POLA1: variants seen among roughly 807,000 people sequenced by gnomAD.
The protein encoded by POLA1 is DNA polymerase alpha catalytic subunit.
POLA1 carries 15 observed loss-of-function variants against 124.0 expected under a neutral mutation model. The observed-to-expected ratio is 0.12, with a 90% CI of 0.08 to 0.19. The LOEUF (loss-of-function observed/expected upper bound fraction) is 0.19, where lower values mean the gene tolerates loss of function less well. POLA1 is among the 10% of genes least tolerant of loss of function. The probability of loss-of-function intolerance (pLI) is 1.00; values close to 1 mark genes in which losing one functional copy is unlikely to be tolerated. For missense variants in POLA1, 886 were observed against 1,103.4 expected, an observed-to-expected ratio of 0.80 and a Z score of 2.79; for synonymous variants, 408 against 389.4, an observed-to-expected ratio of 1.05 and a Z score of -0.56.
chrX:24,834,318 A>G (rs1163502485), intron 32 of POLA1, among the ~76,000 whole-genome samples: 1 of 111,804 alleles, frequency 8.9e-6, no homozygotes, highest in Non-Finnish European at 1.9e-5. Context: ...AATCTTGGGT[A>G]TTCATTTAAA....
At chrX:24,705,289 T>C (rs764168281) in intron 4 of POLA1, among the ~76,000 whole-genome samples, 14 of 111,980 alleles carry the variant, frequency 1.3e-4, no homozygotes, top group Non-Finnish European at 2.4e-4. Context: ...GAGCTAAGAA[T>C]AGTTTTTATG....
chrX:24,819,366 AT>A (rs1231464001), intron 30 of POLA1, among the ~76,000 whole-genome samples: 145 of 103,498 alleles, frequency 1.4e-3, no homozygotes, highest in Admixed American at 1.5e-3. Flanking sequence ...ATACTGTCAG[AT>A]TTTTTTTTTT....
At chrX:24,719,793 ACTTTC>A (rs1320774327) in intron 10 of POLA1, among the ~76,000 whole-genome samples, 2 of 110,957 alleles carry the variant, frequency 1.8e-5, no homozygotes, top group African/African-American at 6.6e-5. Context: ...CCTTTTCCTC[ACTTTC>A]CTTTCCAAGT....
chrX:24,763,231 G>T (rs981896064), intron 26 of POLA1, among the ~76,000 whole-genome samples: 2 of 111,100 alleles, frequency 1.8e-5, no homozygotes, highest in Middle Eastern at 4.6e-3. Flanking sequence ...GGAGGGAGGA[G>T]GACCCAGATA....
intron 26 of POLA1, among the ~76,000 whole-genome samples, chrX:24,800,083 C>A (rs1396790458): frequency 1.8e-5 from 2 of 111,654 alleles, no homozygotes; most frequent in Non-Finnish European, 3.8e-5. Flanking sequence ...TGAGCCTTTT[C>A]ACATATACAT....
At chrX:24,841,916 C>T (rs1057145084) in intron 33 of POLA1, 86 bp downstream of exon 33, 3 of 618,997 alleles carry the variant, frequency 4.8e-6, no homozygotes, top group Non-Finnish European at 7.6e-6. Flanking sequence ...ATAAAAAGGG[C>T]GAAATAAACA....
chrX:24,932,494 T>C (rs1429681848), intron 36 of POLA1, among the ~76,000 whole-genome samples: 1 of 111,995 alleles, frequency 8.9e-6, no homozygotes, highest in Non-Finnish European at 1.9e-5. Context: ...CTTGCTTGGC[T>C]AAAAGGGAAA....
intron 36 of POLA1, among the ~76,000 whole-genome samples, chrX:24,951,462 C>A (rs2048043228): frequency 9.5e-6 from 1 of 105,609 alleles, no homozygotes; most frequent in Non-Finnish European, 1.9e-5. Flanking sequence ...TTTAGAATAC[C>A]ACATGCTGTA....
chrX:24,784,449 T>C (rs1344225278), intron 26 of POLA1, among the ~76,000 whole-genome samples: 1 of 110,876 alleles, frequency 9.0e-6, no homozygotes, highest in Non-Finnish European at 1.9e-5. Context: ...ACTTGGAGGC[T>C]GAGGCGGGCC....
Position 24,977,641 on chromosome X carries a change from A to T in POLA1, c.4262-18164A>T, listed in dbSNP as rs181961730. On this transcript the variant is annotated intron_variant, in intron 36 of 36. Transcript: ENST00000379068. ...GAATTTCTTCTTTGATTTCCTTCCT[A>T]CCATGTCCAATTATGTTTTAATTTC... is the stretch of plus-strand genomic sequence containing the variant. Among the ~76,000 whole-genome samples the T allele has an allele frequency of 1.1e-4, 12 of 112,006 alleles. No homozygotes were observed. The East Asian group carries it at 3.4e-3, about 32-fold the overall frequency.
intron 26 of POLA1, among the ~76,000 whole-genome samples, chrX:24,802,513 A>T (rs764254651): frequency 1.8e-5 from 2 of 112,047 alleles, no homozygotes; most frequent in African/African-American, 6.5e-5. Context: ...TTATTTCAAG[A>T]AGTACATTTT....
chrX:24,942,591 C>T (rs1455114786), intron 36 of POLA1, among the ~76,000 whole-genome samples: 1 of 112,247 alleles, frequency 8.9e-6, no homozygotes, highest in Non-Finnish European at 1.9e-5. Context: ...GGAGAACTTC[C>T]TTTGACAAAT....
chrX:24,942,566 C>T (rs1178429753), intron 36 of POLA1, among the ~76,000 whole-genome samples: 1 of 112,192 alleles, frequency 8.9e-6, no homozygotes, highest in Admixed American at 9.4e-5. Flanking sequence ...CCCTATTTAT[C>T]TTGCTTTTAT....
intron 26 of POLA1, among the ~76,000 whole-genome samples, chrX:24,780,544 TTGAAG>T (rs1569307320): frequency 8.9e-6 from 1 of 112,476 alleles, no homozygotes; most frequent in African/African-American, 3.2e-5. Flanking sequence ...TCTATGTCTA[TTGAAG>T]TGATCATGAG....
In POLA1 at chrX:24,967,449, G is replaced by T. The variant is rs775527275; in HGVS notation, c.4262-28356G>T. ...CTTTGGGAGGCTGAGGTGGGCAGAT[G>T]GCTTGAGCTCAGGAGTTCGAGACCA... On this transcript the variant is annotated intron_variant, in intron 36 of 36. Transcript: ENST00000379068. Among the ~76,000 whole-genome samples the T allele has an allele frequency of 8.2e-5, 9 of 110,149 alleles. No homozygotes were observed. The South Asian group carries it at 3.6e-3, about 44-fold the overall frequency.
intron 32 of POLA1, among the ~76,000 whole-genome samples, chrX:24,832,745 C>T (rs1020373377): frequency 8.9e-6 from 1 of 111,789 alleles, no homozygotes; most frequent in Non-Finnish European, 1.9e-5. Flanking sequence ...TACACGTACA[C>T]TGTATTATAT....
In POLA1 at chrX:24,836,521, T is replaced by C. The variant is rs11573426; in HGVS notation, c.3737-5131T>C. On this transcript the variant is annotated intron_variant, in intron 32 of 36. Transcript: ENST00000379068. ...ACATTCTTACCAACACTTGGTAAGA[T>C]AGTGTTTTCCATCTTCATTTTACAT... is the stretch of plus-strand genomic sequence containing the variant. Among the ~76,000 whole-genome samples, 673 of 112,297 alleles carry C rather than the reference T, an allele frequency of 6.0e-3. 14 individuals carry two copies. The highest frequency in any genetic ancestry group is 0.05 in the Admixed American group (532 of 10,651).
intron 35 of POLA1, among the ~76,000 whole-genome samples, chrX:24,905,634 C>T (rs2047356381): frequency 1.1e-5 from 1 of 94,659 alleles, no homozygotes; most frequent in Non-Finnish European, 2.0e-5. Flanking sequence ...GCAATCTCCA[C>T]TTACTGCAAC....
intron 34 of POLA1, among the ~76,000 whole-genome samples, chrX:24,858,096 A>T (rs1345444760): frequency 1.8e-5 from 2 of 112,207 alleles, no homozygotes; most frequent in African/African-American, 6.5e-5. Flanking sequence ...TTCTCATGTG[A>T]CCCAAAATAA....
Sources: gnomAD v4.1 joint callset for allele counts (sites outside exome capture counted in the v4.1 genomes callset) on GRCh38, gnomAD v4.1.1 for gene constraint, MANE v1.5 for transcripts, NCBI Gene and HGNC (gene_info 2026-07-23, HGNC 2026-07-21) for gene names.